DNAH11: variants seen among roughly 807,000 people sequenced by gnomAD.
DNAH11 encodes axonemal beta dynein heavy chain 11.
A neutral mutation model predicts 526.0 loss-of-function variants in DNAH11; 442 were observed. That is an observed-to-expected ratio of 0.84 (90% CI 0.78 to 0.91). The LOEUF (loss-of-function observed/expected upper bound fraction) is 0.91, where lower values mean the gene tolerates loss of function less well. Ranked by LOEUF, DNAH11 falls within the 40% of genes least tolerant of loss-of-function variation. The pLI, the probability that DNAH11 is intolerant of heterozygous loss-of-function variation, is 0.00. For missense variants in DNAH11, 6,989 were observed against 5,448.7 expected (o/e 1.28, Z -8.90); for synonymous variants, 2,461 against 1,935.9 (o/e 1.27, Z -7.12).
rs1416854756 is a variant in DNAH11, at chr7:21,606,736, A to T, written c.3852+3A>T. The T allele has an allele frequency of 1.2e-6, 2 of 1,605,566 alleles. No individual in the cohort carries two copies. Among genetic ancestry groups the T allele is most frequent in the Admixed American group, 3.4e-5 (2 of 59,366 alleles). On this transcript the variant is annotated splice_donor_region_variant and intron_variant, in intron 20 of 81. Transcript: ENST00000409508. ...ATCCATACACAGCGCTTGATAAGGT[A>T]ATACAGATCTCAAATATCCTGTGTG...
At chr7:21,886,566 A>G (rs1784129660) in intron 76 of DNAH11, among the ~76,000 whole-genome samples, 1 of 152,198 alleles carries the variant, frequency 6.6e-6, no homozygotes, top group African/African-American at 2.4e-5. Context: ...GGAGCAAGTT[A>G]CCATGGAGAT....
At chr7:21,590,799 C>A in intron 12 of DNAH11, 119 bp from the exon 13 acceptor site, 1 of 616,806 alleles carries the variant, frequency 1.6e-6, no homozygotes, top group Non-Finnish European at 2.4e-6. Context: ...GTCTATTTAC[C>A]TTGATTTGGA....
In DNAH11 at chr7:21,789,805, C is replaced by CTCTCTCCTTCCTTCCTT. The variant is rs1203722917; in HGVS notation, c.10026+464_10026+465insCTCTCCTTCCTTCCTTT. On this transcript the variant is annotated intron_variant, in intron 61 of 81. Coordinates refer to ENST00000409508, the MANE Select transcript of DNAH11 (RefSeq NM_001277115.2). ...TCTTTCTTTCTTTCTTTCTTTCTTT[C>CTCTCTCCTTCCTTCCTT]TTTTTTCTTTCTTTCTTTCTTTCTT... Among the ~76,000 whole-genome samples the CTCTCTCCTTCCTTCCTT allele has an allele frequency of 4.7e-4, 28 of 59,692 alleles. 1 individual carries two copies. Among genetic ancestry groups the CTCTCTCCTTCCTTCCTT allele is most frequent in the African/African-American group, 1.5e-3 (26 of 16,954 alleles). The allele number at this position is 59,692 out of a possible 152,430, so 39.2% of individuals were successfully genotyped here.
chr7:21,782,322 T>C (rs372224484), intron 57 of DNAH11, among the ~76,000 whole-genome samples: 143 of 152,314 alleles, frequency 9.4e-4, no homozygotes, highest in African/African-American at 3.0e-3. Flanking sequence ...TCTCCTGTTT[T>C]ATAGGTTGAG....
At position 21,591,015 on chromosome 7, in the gene DNAH11, T is replaced by C; in HGVS notation, c.2267T>C (p.Ile756Thr). Residue 756 changes from isoleucine to threonine, a missense_variant, in exon 13 of 82, where the codon ATT becomes ACT. By Grantham distance (89) the Ile-to-Thr change is moderately conservative (BLOSUM62 -1). Transcript: ENST00000409508. ...ALAIFKKRNTILKYIGNLDLL... is the reference protein window; with the variant it reads ...ALAIFKKRNTTLKYIGNLDLL... ...GCCATCTTCAAGAAAAGGAACACTA[T>C]TTTAAAGGTTTGTGATTTTTGTTAA... 3.3e-6 allele frequency: 5 copies of C among 1,501,656 alleles called. No homozygotes were observed. The highest frequency in any genetic ancestry group is 4.4e-6 in the Non-Finnish European group (5 of 1,134,730). The allele number at this position is 1,501,656 out of a possible 1,614,324, so 93.0% of individuals were successfully genotyped here.
chr7:21,761,999 T>A (rs1786940784), intron 54 of DNAH11, among the ~76,000 whole-genome samples: 1 of 152,056 alleles, frequency 6.6e-6, no homozygotes. Context: ...GGAAAGCAAG[T>A]ACCTTCTTCA....
intron 30 of DNAH11, among the ~76,000 whole-genome samples, chr7:21,664,756 G>T (rs1289836308): frequency 6.6e-6 from 1 of 152,016 alleles, no homozygotes; most frequent in Middle Eastern, 3.4e-3. Context: ...CCACTGCCTC[G>T]GCCAGTTGTA....
At position 21,620,218 on chromosome 7, in the gene DNAH11, C is replaced by T. The variant is rs116066172; in HGVS notation, c.4500+140C>T. ...AAATCAGGCTAACCGTCATCTCATA[C>T]ACTTAACATTTTTTTTGTGGTGAAT... On this transcript the variant is annotated intron_variant, in intron 25 of 81. Transcript: ENST00000409508. The T allele has an allele frequency of 3.3e-3, 2,480 of 746,492 alleles. 50 individuals carry two copies. In the African/African-American group the frequency reaches 0.041, roughly 12 times the overall value. The allele number at this position is 746,492 out of a possible 1,614,324, so 46.2% of individuals were successfully genotyped here.
Position 21,606,671 on chromosome 7 carries a change from A to G in DNAH11, c.3790A>G (p.Arg1264Gly), listed in dbSNP as rs749057056. 51 of 1,597,626 alleles carry G rather than the reference A, an allele frequency of 3.2e-5. No individual in the cohort carries two copies. The highest frequency in any genetic ancestry group is 1.7e-4 in the Middle Eastern group (1 of 6,012). ...GGCAAAGCAGGCAGAGTTCAGAGAG[A>G]GATTCAGACACTATGCCCCTCTTGG... Reference protein sequence around the residue: ...FDAKQAEFRERFRHYAPLGFN... With the variant: ...FDAKQAEFREGFRHYAPLGFN... The change falls in exon 20 of 82, where the codon AGA becomes GGA. Residue 1264 changes from arginine (R) to glycine (G), a missense_variant. Physicochemically the swap from Arg to Gly is moderately radical, Grantham distance 125. Coordinates refer to ENST00000409508, the MANE Select transcript of DNAH11 (RefSeq NM_001277115.2).
intron 42 of DNAH11, among the ~76,000 whole-genome samples, chr7:21,714,447 A>G (rs906019155): frequency 4.6e-5 from 7 of 152,216 alleles, no homozygotes; most frequent in Non-Finnish European, 1.0e-4. Flanking sequence ...TGGCTATTTT[A>G]GAATAAAGGG....
Position 21,720,768 on chromosome 7 carries a change from T to C in DNAH11, c.7178T>C (p.Val2393Ala). The change falls in exon 44 of 82, where the codon GTA (valine) becomes GCA (alanine). Residue 2393 changes from valine (V) to alanine (A), a missense_variant. Transcript: ENST00000409508. The part of the protein sequence containing the change: ...LLECLLTPEN[V>A]PSDSPKEVYE... ...GAGTGCTTGCTGACTCCTGAAAATG[T>C]ACCTTCTGACAGCCCAAAAGAAGTT... 2 of 1,598,730 alleles carry C rather than the reference T, an allele frequency of 1.3e-6. No homozygotes were observed. Among genetic ancestry groups the C allele is most frequent in the South Asian group, 1.1e-5 (1 of 88,520 alleles).
intron 37 of DNAH11, 122 bp downstream of exon 37, chr7:21,702,924 T>C (rs1162964588): frequency 1.2e-6 from 1 of 831,420 alleles, no homozygotes; most frequent in Non-Finnish European, 1.9e-6. Context: ...ACATCTGTTG[T>C]TAATGCAGGA....
At chr7:21,727,475 C>T (rs1785177264) in intron 45 of DNAH11, among the ~76,000 whole-genome samples, 1 of 152,218 alleles carries the variant, frequency 6.6e-6, no homozygotes, top group South Asian at 2.1e-4. Flanking sequence ...TCACGTTTCA[C>T]AGTCATGTGA....
chr7:21,823,419 T>C (rs1790139512), intron 65 of DNAH11, among the ~76,000 whole-genome samples: 1 of 152,172 alleles, frequency 6.6e-6, no homozygotes, highest in African/African-American at 2.4e-5. Flanking sequence ...TGATATGTTA[T>C]TTTACTTAAC....
intron 20 of DNAH11, among the ~76,000 whole-genome samples, chr7:21,613,472 A>C (rs1178033211): frequency 6.6e-6 from 1 of 152,180 alleles, no homozygotes; most frequent in African/African-American, 2.4e-5. Flanking sequence ...AAAACATTTT[A>C]AAACTAAAAG....
Position 21,787,573 on chromosome 7 carries a change from A to C in DNAH11, c.9914A>C (p.Lys3305Thr), listed in dbSNP as rs917286409. ...GLCAWVINII[K>T]FYEVYCDVEP... The stretch of plus-strand genomic sequence containing the variant: ...TGTGCCTGGGTCATCAACATCATTA[A>C]ATTCTATGAGGTATCAATCCTAAAT... The change falls in exon 60 of 82, where the codon AAA becomes ACA. Residue 3305 changes from lysine to threonine, a missense_variant. By Grantham distance (78) the Lys-to-Thr change is moderately conservative (BLOSUM62 -1). Transcript: ENST00000409508. 4.2e-5 allele frequency: 67 copies of C among 1,609,816 alleles called. No individual in the cohort carries two copies. Among genetic ancestry groups the C allele is most frequent in the Non-Finnish European group, 5.5e-5 (65 of 1,178,176 alleles).
At chr7:21,748,964 A>G (rs1170279197) in intron 52 of DNAH11, among the ~76,000 whole-genome samples, 1 of 152,174 alleles carries the variant, frequency 6.6e-6, no homozygotes, top group Admixed American at 6.5e-5. Flanking sequence ...AGGTTTAATA[A>G]CATGTAAACC....
Position 21,666,564 on chromosome 7 carries a change from A to G in DNAH11, c.5328+7533A>G, listed in dbSNP as rs1226709652. On this transcript the variant is annotated intron_variant, in intron 30 of 81. Coordinates refer to ENST00000409508, the MANE Select transcript of DNAH11 (RefSeq NM_001277115.2). Reference sequence around the variant, plus strand: ...CTCTCAACAAAGACTCAGAAATACCAGTATACATATAAGAAAGAGACCCTC... The same window carrying G: ...CTCTCAACAAAGACTCAGAAATACCGGTATACATATAAGAAAGAGACCCTC... 4.6e-5 allele frequency among the ~76,000 whole-genome samples: 7 copies of G among 152,270 alleles called. No homozygotes were observed. The East Asian group carries it at 1.3e-3, about 29-fold the overall frequency.
chr7:21,692,942 C>T (rs1352529821), intron 35 of DNAH11, among the ~76,000 whole-genome samples: 1 of 152,184 alleles, frequency 6.6e-6, no homozygotes, highest in Non-Finnish European at 1.5e-5. Context: ...GCCTCTTTTA[C>T]ATACTTATTG....
Sources: gnomAD v4.1 joint callset for allele counts (sites outside exome capture counted in the v4.1 genomes callset) on GRCh38, gnomAD v4.1.1 for gene constraint, MANE v1.5 for transcripts, NCBI Gene and HGNC (gene_info 2026-07-23, HGNC 2026-07-21) for gene names.